TENM3: variants seen among roughly 807,000 people sequenced by gnomAD.
TENM3 encodes teneurin transmembrane protein 3, also known as teneurin-3.
TENM3 carries 63 observed loss-of-function variants against 255.1 expected under a neutral mutation model. That is an observed-to-expected ratio of 0.25 (90% CI 0.20 to 0.30). The LOEUF (loss-of-function observed/expected upper bound fraction) is 0.30, where lower values mean the gene tolerates loss of function less well. Among genes scored for constraint, TENM3 ranks in the 10% least tolerant of loss-of-function variants. The pLI, the probability that TENM3 is intolerant of heterozygous loss-of-function variation, is 1.00. For synonymous variants in TENM3, 1,306 were observed against 1,322.3 expected, an observed-to-expected ratio of 0.99 and a Z score of 0.27; for missense variants, 2,929 against 3,461.1, an observed-to-expected ratio of 0.85 and a Z score of 3.86.
At chr4:181,855,805 A>G in the TENM3 span, among the ~76,000 whole-genome samples, 1 of 151,742 alleles carries the variant, frequency 6.6e-6, no homozygotes. Flanking sequence ...GAAAATGAGA[A>G]TAAAGGAAGG....
chr4:181,690,758 CAT>C, the TENM3 span, among the ~76,000 whole-genome samples: 1 of 152,056 alleles, frequency 6.6e-6, no homozygotes, highest in Non-Finnish European at 1.5e-5. Context: ...ATTTAGGTGA[CAT>C]ATAAAAAATA....
chr4:181,553,286 TGTGTGTGTGTGTA>T, the TENM3 span, among the ~76,000 whole-genome samples: 11 of 118,930 alleles, frequency 9.2e-5, no homozygotes, highest in Admixed American at 8.5e-4. Flanking sequence ...TGTGTGTGTG[TGTGTGTGTGTGTA>T]GTGTGTGTGT....
intron 2 of TENM3, among the ~76,000 whole-genome samples, chr4:182,336,693 G>A (rs1428917623): frequency 6.6e-6 from 1 of 152,174 alleles, no homozygotes; most frequent in Admixed American, 6.5e-5. Context: ...CAGATATGGT[G>A]TTTAAGGGAG....
chr4:182,404,160 A>T (rs556313274), intron 3 of TENM3, among the ~76,000 whole-genome samples: 1 of 152,212 alleles, frequency 6.6e-6, no homozygotes, highest in Admixed American at 6.5e-5. Flanking sequence ...TCCCCTTCTC[A>T]TCCAGTAAAA....
At chr4:181,752,030 C>A in the TENM3 span, among the ~76,000 whole-genome samples, 1 of 152,148 alleles carries the variant, frequency 6.6e-6, no homozygotes, top group Admixed American at 6.6e-5. Context: ...ATTTCAATTC[C>A]CTTTAGCAGA....
At chr4:182,774,271 T>C (rs1241005791) in intron 23 of TENM3, among the ~76,000 whole-genome samples, 2 of 152,220 alleles carry the variant, frequency 1.3e-5, no homozygotes, top group East Asian at 3.8e-4. Context: ...GACTCATTTT[T>C]TTTACCTGTT....
At chr4:182,457,461 C>T (rs1225898002) in intron 3 of TENM3, among the ~76,000 whole-genome samples, 1 of 147,172 alleles carries the variant, frequency 6.8e-6, no homozygotes, top group Non-Finnish European at 1.5e-5. Context: ...TTTATGATCT[C>T]TATTTTAAAG....
At chr4:181,691,024 T>C in the TENM3 span, among the ~76,000 whole-genome samples, 1 of 152,206 alleles carries the variant, frequency 6.6e-6, no homozygotes, top group African/African-American at 2.4e-5. Context: ...TGCGTGCTAT[T>C]TTTTTCTTTA....
chr4:182,591,917 T>C (rs971155396), intron 3 of TENM3, among the ~76,000 whole-genome samples: 5 of 152,180 alleles, frequency 3.3e-5, no homozygotes, highest in African/African-American at 1.2e-4. Flanking sequence ...CTTTGTGATA[T>C]GAGTATAAGC....
At chr4:182,354,952 G>T (rs185060435) in intron 3 of TENM3, among the ~76,000 whole-genome samples, 3 of 152,294 alleles carry the variant, frequency 2.0e-5, no homozygotes, top group Non-Finnish European at 4.4e-5. Flanking sequence ...GGTACCAGGT[G>T]CTGGAAAAAC....
intron 3 of TENM3, among the ~76,000 whole-genome samples, chr4:182,490,043 C>T (rs533817591): frequency 1.7e-4 from 26 of 152,136 alleles, no homozygotes; most frequent in Non-Finnish European, 3.2e-4. Context: ...CAGAAACTCT[C>T]AGCTGGGAAG....
chr4:182,616,646 G>C (rs1749566226), intron 4 of TENM3, among the ~76,000 whole-genome samples: 1 of 150,980 alleles, frequency 6.6e-6, no homozygotes, highest in African/African-American at 2.4e-5. Flanking sequence ...TCGTGTGGGT[G>C]GGCTTCTCCC....
the TENM3 span, among the ~76,000 whole-genome samples, chr4:181,670,417 A>G: frequency 7.9e-5 from 12 of 152,326 alleles, no homozygotes; most frequent in East Asian, 1.5e-3. Flanking sequence ...CCTCGAAATG[A>G]TCTACAGCAC....
the TENM3 span, among the ~76,000 whole-genome samples, chr4:181,874,046 G>T: frequency 6.6e-5 from 10 of 151,908 alleles, no homozygotes; most frequent in African/African-American, 2.4e-4. Context: ...GCCTCCCAAA[G>T]TGCTGGGATT....
At chr4:182,504,681 C>T (rs548845601) in intron 3 of TENM3, among the ~76,000 whole-genome samples, 5 of 152,286 alleles carry the variant, frequency 3.3e-5, no homozygotes, top group East Asian at 1.9e-4. Context: ...ATATGGCGTT[C>T]GTAATTTGTA....
chr4:182,565,464 C>T (rs1022877628), intron 3 of TENM3, among the ~76,000 whole-genome samples: 1 of 152,080 alleles, frequency 6.6e-6, no homozygotes, highest in Non-Finnish European at 1.5e-5. Flanking sequence ...CAAGTCCTCC[C>T]GAAGGATATA....
In TENM3 at chr4:182,346,648, T is replaced by G; in HGVS notation, c.233-3T>G. The G allele has an allele frequency of 6.2e-7, 1 of 1,613,010 alleles. No individual in the cohort carries two copies. Among genetic ancestry groups the G allele is most frequent in the Non-Finnish European group, 8.5e-7 (1 of 1,179,422 alleles). ...GTTGTTATCTTTTTTTCCCCCTAAT[T>G]AGGACAGAATTTTACCCTAAGGCAG... On this transcript the variant is annotated splice_region_variant and splice_polypyrimidine_tract_variant and intron_variant, in intron 2 of 27. Transcript: ENST00000511685.
rs539466948 is a variant in TENM3 at position 182,531,363 on chromosome 4, A to G, written c.512-69561A>G. On this transcript the variant is annotated intron_variant, in intron 3 of 27. Transcript: ENST00000511685. ...TAAAATGCCAAAAGTTACAAATCCCAAAGACATAACCCTTGCTCTGGATGT... is the reference window on the plus strand; with the variant it reads ...TAAAATGCCAAAAGTTACAAATCCCGAAGACATAACCCTTGCTCTGGATGT... Among the ~76,000 whole-genome samples, 7 of 152,338 alleles carry G rather than the reference A, an allele frequency of 4.6e-5. No individual in the cohort carries two copies. The East Asian group carries it at 7.7e-4, about 17-fold the overall frequency.
At chr4:182,452,490 A>G (rs1028410297) in intron 3 of TENM3, among the ~76,000 whole-genome samples, 5 of 152,154 alleles carry the variant, frequency 3.3e-5, no homozygotes, top group Non-Finnish European at 7.3e-5. Context: ...CCTGGCAGAG[A>G]GAAAGGAATG....
Sources: allele counts gnomAD v4.1 joint callset (sites outside exome capture counted in the v4.1 genomes callset), GRCh38; gene constraint gnomAD v4.1.1; transcripts MANE v1.5; gene names NCBI Gene and HGNC (gene_info 2026-07-23, HGNC 2026-07-21).